NRXN1: variants seen among roughly 807,000 people sequenced by gnomAD.
The protein encoded by NRXN1 is neurexin-1.
NRXN1 carries 39 observed loss-of-function variants against 150.9 expected under a neutral mutation model. The ratio of observed to expected loss-of-function variants is 0.26; its 90% CI spans 0.20 to 0.34. The LOEUF is 0.34. NRXN1 is among the 10% of genes least tolerant of loss of function. The probability of loss-of-function intolerance (pLI) is 1.00; values close to 1 mark genes in which losing one functional copy is unlikely to be tolerated. For missense variants in NRXN1, 1,815 were observed against 1,949.9 expected, an observed-to-expected ratio of 0.93 and a Z score of 1.30; for synonymous variants, 924 against 757.0, an observed-to-expected ratio of 1.22 and a Z score of -3.62.
At chr2:50,579,504 T>C (rs114970323) in intron 8 of NRXN1, among the ~76,000 whole-genome samples, 2,310 of 152,186 alleles carry the variant, frequency 0.015, 36 homozygotes, top group Middle Eastern at 0.061. Flanking sequence ...GCAAAATTAG[T>C]CAGGTGTGGT....
intron 17 of NRXN1, among the ~76,000 whole-genome samples, chr2:50,324,057 A>G (rs1257607761): frequency 1.3e-5 from 2 of 152,224 alleles, no homozygotes; most frequent in East Asian, 1.9e-4. Flanking sequence ...CTTTGAATGT[A>G]AGACTAAGGA....
At chr2:50,876,586 G>A (rs557955863) in intron 5 of NRXN1, among the ~76,000 whole-genome samples, 1 of 151,770 alleles carries the variant, frequency 6.6e-6, no homozygotes, top group South Asian at 2.1e-4. Context: ...TACAATATCA[G>A]TATTTGCTCA....
chr2:50,568,000 C>T (rs1670124325), intron 8 of NRXN1, among the ~76,000 whole-genome samples: 1 of 151,922 alleles, frequency 6.6e-6, no homozygotes, highest in East Asian at 1.9e-4. Context: ...AATTAGGGTC[C>T]CCATTTTTCA....
intron 17 of NRXN1, among the ~76,000 whole-genome samples, chr2:50,358,640 G>A (rs1053402405): frequency 3.3e-5 from 5 of 152,320 alleles, no homozygotes; most frequent in African/African-American, 4.8e-5. Flanking sequence ...GGGAAGGAGC[G>A]GCTGTTGGCA....
At chr2:50,753,608 C>G (rs974947806) in intron 5 of NRXN1, among the ~76,000 whole-genome samples, 1 of 151,804 alleles carries the variant, frequency 6.6e-6, no homozygotes, top group South Asian at 2.1e-4. Flanking sequence ...TTGACCATTT[C>G]TAGTTATCTT....
intron 19 of NRXN1, among the ~76,000 whole-genome samples, chr2:50,059,252 C>T (rs1694112676): frequency 6.6e-6 from 1 of 152,150 alleles, no homozygotes; most frequent in South Asian, 2.1e-4. Context: ...AAGAGACTGG[C>T]AGCATTTTAT....
At chr2:50,555,078 G>A (rs182029983) in intron 8 of NRXN1, among the ~76,000 whole-genome samples, 66 of 152,172 alleles carry the variant, frequency 4.3e-4, no homozygotes, top group East Asian at 7.7e-4. Flanking sequence ...AAGTTTTATC[G>A]CTTCTCTCTA....
At chr2:50,705,126 A>T (rs769721352) in intron 5 of NRXN1, among the ~76,000 whole-genome samples, 1 of 151,886 alleles carries the variant, frequency 6.6e-6, no homozygotes, top group African/African-American at 2.4e-5. Flanking sequence ...TGTAACTCAG[A>T]ACTGAATTAA....
At chr2:50,588,879 G>C (rs1244199977) in intron 8 of NRXN1, 1 of 152,136 alleles carries the variant, frequency 6.6e-6, no homozygotes, top group Non-Finnish European at 1.5e-5. Flanking sequence ...AAGTAGGCTC[G>C]TGTATCCACG....
intron 5 of NRXN1, among the ~76,000 whole-genome samples, chr2:50,844,502 A>T (rs1333259213): frequency 6.6e-6 from 1 of 152,300 alleles, no homozygotes; most frequent in Admixed American, 6.5e-5. Context: ...ATATTCTCAC[A>T]TGTACTCAGT....
Position 50,656,391 on chromosome 2 carries a change from A to G in NRXN1, c.833-32776T>C, listed in dbSNP as rs746174111. ...GGACATTTGCTTCCAGAAGTCATGA[A>G]AGTGGTCTGAAGAAGTCACAAATAG... is the stretch of plus-strand genomic sequence containing the variant. On this transcript the variant is annotated intron_variant, in intron 5 of 22. Coordinates refer to ENST00000401669, the MANE Select transcript of NRXN1 (RefSeq NM_001330078.2). The G allele has an allele frequency of 7.7e-6, 6 of 776,824 alleles. No individual in the cohort carries two copies. In the South Asian group the frequency reaches 8.1e-5, roughly 10 times the overall value. The allele number at this position is 776,824 out of a possible 1,614,324, so 48.1% of individuals were successfully genotyped here. A position where few individuals can be genotyped will look rare whatever the true frequency, so the allele number is the denominator to read the frequency against.
intron 17 of NRXN1, among the ~76,000 whole-genome samples, chr2:50,409,714 T>C (rs144145112): frequency 6.6e-6 from 1 of 152,342 alleles, no homozygotes; most frequent in East Asian, 1.9e-4. Flanking sequence ...TCCCAGATGA[T>C]GAAATTTCAA....
intron 5 of NRXN1, among the ~76,000 whole-genome samples, chr2:50,730,315 A>G (rs1697931040): frequency 6.6e-6 from 1 of 152,146 alleles, no homozygotes; most frequent in Non-Finnish European, 1.5e-5. Context: ...AATGACATCA[A>G]TATTGTCAGA....
At chr2:50,385,842 T>G (rs1314379136) in intron 17 of NRXN1, among the ~76,000 whole-genome samples, 2 of 152,016 alleles carry the variant, frequency 1.3e-5, no homozygotes, top group Non-Finnish European at 2.9e-5. Flanking sequence ...ACGTCAACCT[T>G]AAGGTAAGTA....
intron 17 of NRXN1, among the ~76,000 whole-genome samples, chr2:50,296,518 C>CTATATTAT (rs2073581156): frequency 1.4e-5 from 2 of 148,016 alleles, no homozygotes; most frequent in African/African-American, 5.1e-5. Flanking sequence ...TGCTTAGCTT[C>CTATATTAT]TATTATTATT....
At chr2:50,095,790 A>G (rs1027993672) in intron 18 of NRXN1, among the ~76,000 whole-genome samples, 12 of 149,794 alleles carry the variant, frequency 8.0e-5, no homozygotes, top group Admixed American at 6.0e-4. Context: ...TTTTATATAT[A>G]TATTTTTTTA....
intron 2 of NRXN1, among the ~76,000 whole-genome samples, chr2:50,999,379 CAAATAA>C (rs1699743837): frequency 6.6e-6 from 1 of 151,890 alleles, no homozygotes. Flanking sequence ...TTTAGAAAGG[CAAATAA>C]TCAGGAATGA....
intron 5 of NRXN1, among the ~76,000 whole-genome samples, chr2:50,666,431 A>G (rs1339007796): frequency 6.6e-6 from 1 of 151,906 alleles, no homozygotes; most frequent in Admixed American, 6.6e-5. Flanking sequence ...TAGGGTAGGT[A>G]TATGTTTAGC....
At chr2:50,527,038 A>C (rs2092971417) in intron 12 of NRXN1, among the ~76,000 whole-genome samples, 1 of 152,208 alleles carries the variant, frequency 6.6e-6, no homozygotes, top group South Asian at 2.1e-4. Context: ...ATGTCATTTG[A>C]ATAATTTTCA....
Sources: allele counts gnomAD v4.1 joint callset (sites outside exome capture counted in the v4.1 genomes callset), GRCh38; gene constraint gnomAD v4.1.1; transcripts MANE v1.5; gene names NCBI Gene and HGNC (gene_info 2026-07-23, HGNC 2026-07-21).